The following ZFPM2 variants were observed in gnomAD, a reference collection of about 807,000 sequenced individuals.
ZFPM2 encodes zinc finger protein ZFPM2.
In ZFPM2, 20 loss-of-function variants were observed where a neutral mutation model predicts 98.6. The observed-to-expected ratio is 0.20, with a 90% CI of 0.14 to 0.29. ZFPM2 has a LOEUF of 0.29. Ranked by LOEUF, ZFPM2 falls within the 10% of genes least tolerant of loss-of-function variation. The probability of loss-of-function intolerance (pLI) is 1.00; values close to 1 mark genes in which losing one functional copy is unlikely to be tolerated. For synonymous variants in ZFPM2, 518 were observed against 502.7 expected, an observed-to-expected ratio of 1.03 and a Z score of -0.41; for missense variants, 1,310 against 1,388.6, an observed-to-expected ratio of 0.94 and a Z score of 0.90.
intron 3 of ZFPM2, among the ~76,000 whole-genome samples, chr8:105,506,710 A>G (rs1436384704): frequency 3.3e-5 from 5 of 152,188 alleles, no homozygotes; most frequent in Non-Finnish European, 5.9e-5. Flanking sequence ...CATATACATT[A>G]ACAGGGTTGA....
rs77694827 is a variant in ZFPM2 at position 105,595,132 on chromosome 8, T to C, written c.420+33651T>C. On this transcript the variant is annotated intron_variant, in intron 4 of 7. Transcript: ENST00000407775. ...CAAAGCAATTTGAGAGTAAAGAAAGTCTAATAGTAGAAACCATTGTACAGT... is the reference window on the plus strand; with the variant it reads ...CAAAGCAATTTGAGAGTAAAGAAAGCCTAATAGTAGAAACCATTGTACAGT... Among the ~76,000 whole-genome samples, 172 of 152,196 alleles carry C rather than the reference T, an allele frequency of 1.1e-3. 1 individual carries two copies. Among genetic ancestry groups the C allele is most frequent in the African/African-American group, 4.0e-3 (166 of 41,570 alleles).
intron 3 of ZFPM2, among the ~76,000 whole-genome samples, chr8:105,533,702 CCTCCCTCCTTACTTT>C (rs1246099923): frequency 7.5e-6 from 1 of 133,942 alleles, no homozygotes; most frequent in East Asian, 2.3e-4. Flanking sequence ...TCCCTCCCTC[CCTCCCTCCTTACTTT>C]CTCCCTCCCT....
At chr8:105,573,997 T>C (rs1044197178) in intron 4 of ZFPM2, among the ~76,000 whole-genome samples, 1 of 152,228 alleles carries the variant, frequency 6.6e-6, no homozygotes, top group African/African-American at 2.4e-5. Context: ...TTAGTCACTT[T>C]GAAAAACATA....
chr8:105,521,624 C>T (rs1814064184), intron 3 of ZFPM2, among the ~76,000 whole-genome samples: 1 of 151,880 alleles, frequency 6.6e-6, no homozygotes, highest in Admixed American at 6.6e-5. Context: ...GTTGCCTAGA[C>T]TGGACTGCAG....
chr8:105,667,962 G>A (rs1817520771), intron 5 of ZFPM2, among the ~76,000 whole-genome samples: 1 of 152,186 alleles, frequency 6.6e-6, no homozygotes, highest in Non-Finnish European at 1.5e-5. Context: ...CTCTTCGGTA[G>A]ACTTAAGCCA....
chr8:105,802,229 C>G lies in ZFPM2; in HGVS notation c.2147C>G (p.Pro716Arg). The change falls in exon 8 of 8, where the codon CCT (proline) becomes CGT (arginine). Residue 716 changes from proline to arginine, a missense_variant. By Grantham distance (103) the Pro-to-Arg change is moderately radical. Coordinates refer to ENST00000407775, the MANE Select transcript of ZFPM2 (RefSeq NM_012082.4). ...TATTACTGTGCTACACGCCACGACC[C>G]TCCACTGAAGAGGTCTGCTTCCAAC... is the stretch of plus-strand genomic sequence containing the variant. Reference protein sequence around the residue: ...KQYYCATRHDPPLKRSASNKV... With the variant: ...KQYYCATRHDRPLKRSASNKV... The G allele has an allele frequency of 1.2e-6, 2 of 1,613,908 alleles. No individual in the cohort carries two copies. Among genetic ancestry groups the G allele is most frequent in the Non-Finnish European group, 1.7e-6 (2 of 1,179,868 alleles).
intron 3 of ZFPM2, among the ~76,000 whole-genome samples, chr8:105,474,767 T>G (rs1812979754): frequency 6.6e-6 from 1 of 152,178 alleles, no homozygotes; most frequent in Admixed American, 6.5e-5. Flanking sequence ...ATCCTATGAT[T>G]AGGTGAGTGT....
intron 5 of ZFPM2, among the ~76,000 whole-genome samples, chr8:105,712,284 A>G (rs1811419239): frequency 6.6e-6 from 1 of 152,142 alleles, no homozygotes; most frequent in Non-Finnish European, 1.5e-5. Context: ...CATTGTCACA[A>G]GAAATGAGAC....
chr8:105,586,900 T>C (rs549166377), intron 4 of ZFPM2, among the ~76,000 whole-genome samples: 53 of 150,746 alleles, frequency 3.5e-4, no homozygotes, highest in African/African-American at 1.2e-3. Flanking sequence ...GGAAAATATT[T>C]CTGCTTTCAT....
chr8:105,669,031 T>A (rs1193128768), intron 5 of ZFPM2, among the ~76,000 whole-genome samples: 1 of 152,166 alleles, frequency 6.6e-6, no homozygotes, highest in Non-Finnish European at 1.5e-5. Context: ...TTATTCAACC[T>A]GAGGACTACA....
At chr8:105,770,364 T>C (rs560364319) in intron 5 of ZFPM2, among the ~76,000 whole-genome samples, 1 of 152,050 alleles carries the variant, frequency 6.6e-6, no homozygotes, top group African/African-American at 2.4e-5. Flanking sequence ...TCTTTGAACT[T>C]ACAAATGCTT....
At chr8:105,624,373 A>AG (rs1291168157) in intron 4 of ZFPM2, among the ~76,000 whole-genome samples, 1 of 152,226 alleles carries the variant, frequency 6.6e-6, no homozygotes, top group Non-Finnish European at 1.5e-5. Flanking sequence ...AAAAGGTTGA[A>AG]GTTAATGATT....
At chr8:105,362,210 A>G (rs184591638) in intron 1 of ZFPM2, among the ~76,000 whole-genome samples, 2 of 152,128 alleles carry the variant, frequency 1.3e-5, no homozygotes, top group Non-Finnish European at 2.9e-5. Flanking sequence ...GTAAAATCAT[A>G]TTGCATAGGA....
intron 5 of ZFPM2, among the ~76,000 whole-genome samples, chr8:105,726,424 G>A (rs1293244293): frequency 2.0e-5 from 3 of 151,764 alleles, no homozygotes; most frequent in African/African-American, 2.4e-5. Context: ...ATTAGTATTT[G>A]TACAATGTAA....
intron 5 of ZFPM2, among the ~76,000 whole-genome samples, chr8:105,680,825 A>G (rs566483329): frequency 1.3e-5 from 2 of 152,272 alleles, no homozygotes; most frequent in South Asian, 4.1e-4. Flanking sequence ...TATAATTACT[A>G]TATTCTTATA....
intron 3 of ZFPM2, among the ~76,000 whole-genome samples, chr8:105,550,722 A>G (rs1814832180): frequency 6.6e-6 from 1 of 152,198 alleles, no homozygotes; most frequent in African/African-American, 2.4e-5. Context: ...TGTGTGAATC[A>G]GGGAAGTGTT....
intron 5 of ZFPM2, among the ~76,000 whole-genome samples, chr8:105,740,506 C>T (rs1767083808): frequency 1.4e-5 from 2 of 147,550 alleles, no homozygotes; most frequent in South Asian, 4.2e-4. Context: ...CTCCCACATA[C>T]TAACATGTAT....
intron 4 of ZFPM2, among the ~76,000 whole-genome samples, chr8:105,578,164 G>A (rs1011472547): frequency 1.3e-5 from 2 of 152,072 alleles, no homozygotes; most frequent in Non-Finnish European, 1.5e-5. Flanking sequence ...CTTAGCTACT[G>A]AGAGCTTTGA....
At chr8:105,396,070 T>A (rs1053796163) in intron 1 of ZFPM2, among the ~76,000 whole-genome samples, 1 of 152,228 alleles carries the variant, frequency 6.6e-6, no homozygotes, top group African/African-American at 2.4e-5. Context: ...TTTTCCATTG[T>A]TTACAACTAC....
Sources: allele counts gnomAD v4.1 joint callset (sites outside exome capture counted in the v4.1 genomes callset), GRCh38; gene constraint gnomAD v4.1.1; transcripts MANE v1.5; gene names NCBI Gene and HGNC (gene_info 2026-07-23, HGNC 2026-07-21).